NPHP4: variants seen among roughly 807,000 people sequenced by gnomAD.
NPHP4 encodes nephrocystin-4.
Under a neutral mutation model 155.8 loss-of-function variants are expected in NPHP4, and 151 were observed. The observed-to-expected ratio is 0.97, with a 90% CI of 0.85 to 1.11. The LOEUF (loss-of-function observed/expected upper bound fraction) is 1.11, where lower values mean the gene tolerates loss of function less well. NPHP4 is among the 50% of genes least tolerant of loss of function. NPHP4 has a pLI of 0.00. For missense variants in NPHP4, 1,956 were observed against 1,925.7 expected (o/e 1.02, Z -0.29); for synonymous variants, 845 against 816.8 (o/e 1.03, Z -0.59).
chr1:5,932,341 C>G (rs1039096409), intron 10 of NPHP4, among the ~76,000 whole-genome samples: 1 of 152,228 alleles, frequency 6.6e-6, no homozygotes, highest in Admixed American at 6.5e-5. Context: ...AGTCAATCTT[C>G]TCAAACCTTG....
chr1:5,864,519 T>C lies in NPHP4; in HGVS notation c.3817-2A>G. ...CACGAAGACACCTTTGGGGTCTGTCTTCAAGAGCGAGAGAGGCGGGTCAGA... is the reference window on the plus strand; with the variant it reads ...CACGAAGACACCTTTGGGGTCTGTCCTCAAGAGCGAGAGAGGCGGGTCAGA... On this transcript the variant is annotated splice_acceptor_variant, in intron 27 of 29. Transcript: ENST00000378156. LOFTEE classifies it high-confidence loss of function. The C allele has an allele frequency of 6.4e-7, 1 of 1,552,522 alleles. No individual in the cohort carries two copies. Among genetic ancestry groups the C allele is most frequent in the South Asian group, 1.2e-5 (1 of 84,222 alleles).
intron 18 of NPHP4, among the ~76,000 whole-genome samples, chr1:5,883,968 A>G (rs748609763): frequency 6.6e-6 from 1 of 152,228 alleles, no homozygotes; most frequent in Non-Finnish European, 1.5e-5. Flanking sequence ...CAGGACACGG[A>G]ACCCTGCTGG....
intron 6 of NPHP4, among the ~76,000 whole-genome samples, chr1:5,953,192 C>T (rs1425297610): frequency 3.3e-5 from 5 of 152,162 alleles, no homozygotes; most frequent in Non-Finnish European, 5.9e-5. Flanking sequence ...CTGCAACCTC[C>T]GCCTCCAGGT....
chr1:5,912,802 G>A (rs562334677), intron 11 of NPHP4, among the ~76,000 whole-genome samples: 13 of 152,284 alleles, frequency 8.5e-5, no homozygotes, highest in South Asian at 2.1e-4. Flanking sequence ...CAAGCAGCAT[G>A]ACCAGGTGCC....
intron 25 of NPHP4, 45 bp from the exon 26 acceptor site, chr1:5,866,503 C>T (rs574057458): frequency 5.1e-6 from 6 of 1,168,986 alleles, no homozygotes; most frequent in Middle Eastern, 1.9e-4. Context: ...AGTGCTCTGC[C>T]GACCCCAGCC....
rs907168434 is a variant in NPHP4, at chr1:5,889,128, C to A, written c.2305-1662G>T. On this transcript the variant is annotated intron_variant, in intron 17 of 29. Coordinates refer to ENST00000378156, the MANE Select transcript of NPHP4 (RefSeq NM_015102.5). This position sits in a 1 kb window ranked among gnomAD's most constrained non-coding sequence, Gnocchi z 4.2. ...CGTCGTAGCAACGTGTTACGGCCAG[C>A]ACCCCCAGGAAATCAACTAGAAGAT... Among the ~76,000 whole-genome samples the A allele has an allele frequency of 1.3e-5, 2 of 152,214 alleles. No individual in the cohort carries two copies. The highest frequency in any genetic ancestry group is 2.9e-5 in the Non-Finnish European group (2 of 68,026).
Position 5,905,456 on chromosome 1 carries a change from G to A in NPHP4, c.1791C>T (p.Ser597=). 6.2e-7 allele frequency: 1 copy of A among 1,607,434 alleles called. No homozygotes were observed. The highest frequency in any genetic ancestry group is 8.5e-7 in the Non-Finnish European group (1 of 1,174,474). Residue 597 remains serine (S), a synonymous_variant, in exon 15 of 30, where the codon TCC becomes TCT. Coordinates refer to ENST00000378156, the MANE Select transcript of NPHP4 (RefSeq NM_015102.5). This position sits in a 1 kb window ranked among gnomAD's most constrained non-coding sequence, Gnocchi z 4.0. Reference sequence around the variant, plus strand: ...AGCCGGAGGACTGCAGGAGCACCATGGAGGCTCTCGAGGGCTGCCCTGCAG... The same window carrying A: ...AGCCGGAGGACTGCAGGAGCACCATAGAGGCTCTCGAGGGCTGCCCTGCAG... ...RSSAGQPSRA[S]MVLLQSSGFP...
At chr1:5,868,091 G>C in intron 23 of NPHP4, 195 bp from the exon 24 acceptor site, 1 of 719,484 alleles carries the variant, frequency 1.4e-6, no homozygotes. Context: ...GGAGGGGACC[G>C]CTAAGCAAGG....
intron 16 of NPHP4, among the ~76,000 whole-genome samples, chr1:5,900,601 C>T (rs1439582713): frequency 6.6e-6 from 1 of 152,134 alleles, no homozygotes; most frequent in Non-Finnish European, 1.5e-5. Context: ...TGAAGCTATT[C>T]TGTATGATCC....
At chr1:5,914,983 A>G (rs1161186571) in intron 11 of NPHP4, among the ~76,000 whole-genome samples, 1 of 152,198 alleles carries the variant, frequency 6.6e-6, no homozygotes, top group Non-Finnish European at 1.5e-5. Context: ...CCTGCCACTG[A>G]GCAAACAGGG....
chr1:5,969,354 C>G, intron 3 of NPHP4, 95 bp from the exon 4 acceptor site: 1 of 699,778 alleles, frequency 1.4e-6, no homozygotes, highest in East Asian at 2.8e-5. Context: ...CCTTCCTACA[C>G]GTGCCACAGC....
At chr1:5,918,671 A>G (rs1645588850) in intron 11 of NPHP4, among the ~76,000 whole-genome samples, 1 of 152,246 alleles carries the variant, frequency 6.6e-6, no homozygotes, top group Non-Finnish European at 1.5e-5. Flanking sequence ...CGAAGGAAGG[A>G]ATCTAATCAC....
intron 23 of NPHP4, among the ~76,000 whole-genome samples, chr1:5,868,689 CAT>C (rs1483272430): frequency 1.0e-4 from 15 of 149,474 alleles, no homozygotes; most frequent in African/African-American, 3.0e-4. Flanking sequence ...TGCATGTACA[CAT>C]ATACATGCAC....
At chr1:5,972,421 TCCAG>T (rs1449223594) in intron 3 of NPHP4, among the ~76,000 whole-genome samples, 1 of 152,192 alleles carries the variant, frequency 6.6e-6, no homozygotes, top group Non-Finnish European at 1.5e-5. Flanking sequence ...CCACGAATTA[TCCAG>T]CCCACAATGT....
intron 25 of NPHP4, 46 bp from the exon 26 acceptor site, chr1:5,866,504 G>A (rs375109654): frequency 1.4e-5 from 17 of 1,174,446 alleles, no homozygotes; most frequent in African/African-American, 1.2e-4. Context: ...GTGCTCTGCC[G>A]ACCCCAGCCT....
In NPHP4 at chr1:5,905,237, C is replaced by A; in HGVS notation, c.1955+55G>T. ...AGGTCAGAACCTCAGCGAAGTTTCT[C>A]TTCAACACAGGAAATGTGAAAGCCA... On this transcript the variant is annotated intron_variant, in intron 15 of 29. Transcript: ENST00000378156. The surrounding 1 kb of genome is among the most constrained non-coding windows in gnomAD (Gnocchi z 4.0). 1 of 1,460,952 alleles carries A rather than the reference C, an allele frequency of 6.8e-7. No individual in the cohort carries two copies. Among genetic ancestry groups the A allele is most frequent in the South Asian group, 1.1e-5 (1 of 88,010 alleles). The allele number at this position is 1,460,952 out of a possible 1,614,324, so 90.5% of individuals were successfully genotyped here.
intron 19 of NPHP4, 72 bp downstream of exon 19, chr1:5,880,042 C>A: frequency 6.4e-7 from 1 of 1,559,696 alleles, no homozygotes; most frequent in Non-Finnish European, 8.8e-7. Context: ...CACACACACA[C>A]ACACGCAGTC....
chr1:5,974,021 C>G, intron 3 of NPHP4, among the ~76,000 whole-genome samples: 1 of 152,270 alleles, frequency 6.6e-6, no homozygotes, highest in East Asian at 1.9e-4. Flanking sequence ...GCCAGGGCTT[C>G]CTGCAAGCTC....
chr1:5,863,849 C>G, intron 29 of NPHP4, 41 bp downstream of exon 29: 1 of 1,608,646 alleles, frequency 6.2e-7, no homozygotes. Flanking sequence ...TTCAGGTCCC[C>G]GGGTCTTCCC....
Sources: gnomAD v4.1 joint callset for allele counts (sites outside exome capture counted in the v4.1 genomes callset) on GRCh38, gnomAD v4.1.1 for gene constraint, Gnocchi (gnomAD v3.1) non-coding constraint, MANE v1.5 for transcripts, NCBI Gene and HGNC (gene_info 2026-07-23, HGNC 2026-07-21) for gene names.